The following ZGPAT variants were observed in gnomAD, a reference collection of about 807,000 sequenced individuals.
ZGPAT encodes zinc finger CCCH-type with G patch domain-containing protein.
Under a neutral mutation model 47.9 loss-of-function variants are expected in ZGPAT, and 39 were observed. The observed-to-expected ratio is 0.81, with a 90% CI of 0.63 to 1.06. The LOEUF (loss-of-function observed/expected upper bound fraction) is 1.06, where lower values mean the gene tolerates loss of function less well. Among genes scored for constraint, ZGPAT ranks in the 50% least tolerant of loss-of-function variants. The pLI, the probability that ZGPAT is intolerant of heterozygous loss-of-function variation, is 0.00. For synonymous variants in ZGPAT, 348 were observed against 292.9 expected, an observed-to-expected ratio of 1.19 and a Z score of -1.92; for missense variants, 717 against 681.4, an observed-to-expected ratio of 1.05 and a Z score of -0.58.
intron 2 of ZGPAT, among the ~76,000 whole-genome samples, chr20:63,729,144 G>A (rs2091872536): frequency 6.7e-6 from 1 of 150,248 alleles, no homozygotes; most frequent in Non-Finnish European, 1.5e-5. Flanking sequence ...CGATTCTCCT[G>A]CCTCGGCCTC....
intron 2 of ZGPAT, among the ~76,000 whole-genome samples, chr20:63,728,110 C>T (rs1330204034): frequency 6.7e-6 from 1 of 149,562 alleles, no homozygotes; most frequent in Non-Finnish European, 1.5e-5. Context: ...CATCTCAGCT[C>T]ACTGCAACCT....
Position 63,733,230 on chromosome 20 carries a change from G to A in ZGPAT, c.596G>A (p.Gly199Glu). The part of the protein sequence containing the change: ...RFKENCRFSH[G>E]QVVSLDELRP... ...GGCTCTGTCTGCAGGTTCTCCCATG[G>A]GCAGGTGGTCTCTCTGGATGAGCTG... The change falls in exon 3 of 7, where the codon GGG becomes GAG. Residue 199 changes from glycine (G) to glutamate (E), a missense_variant. Transcript: ENST00000355969. The A allele has an allele frequency of 6.2e-7, 1 of 1,613,578 alleles. No homozygotes were observed. Among genetic ancestry groups the A allele is most frequent in the Non-Finnish European group, 8.5e-7 (1 of 1,179,742 alleles).
intron 2 of ZGPAT, among the ~76,000 whole-genome samples, chr20:63,725,194 C>T (rs1039207597): frequency 6.6e-6 from 1 of 152,176 alleles, no homozygotes; most frequent in Non-Finnish European, 1.5e-5. Flanking sequence ...CCGTGTTAGC[C>T]AGGATGGTCT....
intron 2 of ZGPAT, among the ~76,000 whole-genome samples, chr20:63,729,723 CA>C (rs2091878075): frequency 6.6e-6 from 1 of 152,122 alleles, no homozygotes; most frequent in Non-Finnish European, 1.5e-5. Flanking sequence ...CCAAGTTTTT[CA>C]TATTTGGTTA....
intron 2 of ZGPAT, among the ~76,000 whole-genome samples, chr20:63,715,806 C>T (rs1174686328): frequency 6.6e-6 from 1 of 151,292 alleles, no homozygotes; most frequent in African/African-American, 2.4e-5. Flanking sequence ...TAGAATTCAA[C>T]AGTGAAGTGA....
intron 2 of ZGPAT, among the ~76,000 whole-genome samples, chr20:63,723,771 A>C (rs1024526395): frequency 1.3e-5 from 2 of 152,242 alleles, no homozygotes; most frequent in African/African-American, 4.8e-5. Flanking sequence ...TTGCTTCAAA[A>C]GTATTTTGAA....
At chr20:63,720,013 A>AGGCTGAGC (rs1288058730) in intron 2 of ZGPAT, among the ~76,000 whole-genome samples, 1 of 152,132 alleles carries the variant, frequency 6.6e-6, no homozygotes, top group Non-Finnish European at 1.5e-5. Context: ...AAATGCTGGG[A>AGGCTGAGC]TTACAGATGT....
intron 2 of ZGPAT, among the ~76,000 whole-genome samples, chr20:63,732,096 T>TGA (rs144297013): frequency 2.6e-5 from 4 of 151,938 alleles, no homozygotes; most frequent in Middle Eastern, 3.2e-3. Context: ...TGTGCATGTA[T>TGA]GTGTATATGC....
intron 4 of ZGPAT, chr20:63,734,491 C>G: frequency 2.2e-6 from 2 of 910,162 alleles, no homozygotes; most frequent in Non-Finnish European, 3.3e-6. Context: ...CCTGGTGTCA[C>G]ATGCCCACAG....
rs763151729 is a variant in ZGPAT at position 63,735,360 on chromosome 20, T to G, written c.1193T>G (p.Leu398Arg). 2.8e-5 allele frequency: 44 copies of G among 1,545,834 alleles called. No individual in the cohort carries two copies. Among genetic ancestry groups the G allele is most frequent in the Non-Finnish European group, 3.8e-5 (44 of 1,150,084 alleles). The change falls in exon 6 of 7, where the codon CTC becomes CGC. Residue 398 changes from leucine to arginine, a missense_variant. By Grantham distance (102) the Leu-to-Arg change is moderately radical (BLOSUM62 -2). Coordinates refer to ENST00000355969, the MANE Select transcript of ZGPAT (RefSeq NM_181485.3). ...GCTCCTCGGAATGTGTTTGACTTCC[T>G]CAATGAAAAGCTGCAAGGTCAGGCT... ...RPAPRNVFDF[L>R]NEKLQGQAPG...
At chr20:63,729,190 C>T (rs775345175) in intron 2 of ZGPAT, among the ~76,000 whole-genome samples, 9 of 152,002 alleles carry the variant, frequency 5.9e-5, no homozygotes, top group Non-Finnish European at 5.9e-5. Flanking sequence ...GCCATCACAC[C>T]GGCTCATTTT....
At chr20:63,724,852 T>C (rs775060108) in intron 2 of ZGPAT, among the ~76,000 whole-genome samples, 6 of 151,888 alleles carry the variant, frequency 4.0e-5, no homozygotes, top group Non-Finnish European at 8.8e-5. Flanking sequence ...TTTTTTGGTA[T>C]TTTTAGTAGA....
intron 2 of ZGPAT, among the ~76,000 whole-genome samples, chr20:63,710,159 CT>C (rs917583273): frequency 1.7e-4 from 24 of 138,316 alleles, no homozygotes; most frequent in Non-Finnish European, 1.4e-4. Context: ...CGCGCCTGGC[CT>C]TTTTTTTTTG....
chr20:63,727,512 A>G (rs946085092), intron 2 of ZGPAT, among the ~76,000 whole-genome samples: 58 of 152,048 alleles, frequency 3.8e-4, no homozygotes, highest in African/African-American at 1.4e-3. Flanking sequence ...CTCTACTAAA[A>G]ATATAAAAGT....
At chr20:63,720,405 T>C (rs2091775771) in intron 2 of ZGPAT, among the ~76,000 whole-genome samples, 1 of 152,126 alleles carries the variant, frequency 6.6e-6, no homozygotes, top group African/African-American at 2.4e-5. Flanking sequence ...TCCTCCTGCC[T>C]CGGCCTCCCA....
chr20:63,714,929 C>T (rs2091711033), intron 2 of ZGPAT, among the ~76,000 whole-genome samples: 1 of 152,098 alleles, frequency 6.6e-6, no homozygotes, highest in Admixed American at 6.6e-5. Flanking sequence ...GGGTGAGTCA[C>T]TGCACTGCAC....
At chr20:63,729,173 G>A (rs2091872911) in intron 2 of ZGPAT, among the ~76,000 whole-genome samples, 1 of 151,834 alleles carries the variant, frequency 6.6e-6, no homozygotes, top group Admixed American at 6.6e-5. Flanking sequence ...CATAATTATA[G>A]GCGCACGCCA....
chr20:63,727,538 G>GCT (rs1284587005), intron 2 of ZGPAT, among the ~76,000 whole-genome samples: 1 of 151,904 alleles, frequency 6.6e-6, no homozygotes, highest in Non-Finnish European at 1.5e-5. Flanking sequence ...GGGCGTAGTA[G>GCT]CTCACACCTG....
intron 2 of ZGPAT, among the ~76,000 whole-genome samples, chr20:63,730,980 G>GTA (rs2091895421): frequency 6.7e-6 from 1 of 148,236 alleles, no homozygotes; most frequent in Non-Finnish European, 1.5e-5. Context: ...CTGTGTGTGT[G>GTA]TGTGTGTGTG....
Sources: gnomAD v4.1 joint callset for allele counts (sites outside exome capture counted in the v4.1 genomes callset) on GRCh38, gnomAD v4.1.1 for gene constraint, MANE v1.5 for transcripts, NCBI Gene and HGNC (gene_info 2026-07-23, HGNC 2026-07-21) for gene names.